TECPR2: variants seen among roughly 807,000 people sequenced by gnomAD.
TECPR2 encodes tectonin beta-propeller repeat-containing protein 2.
TECPR2 carries 65 observed loss-of-function variants against 138.1 expected under a neutral mutation model. That is an observed-to-expected ratio of 0.47 (90% CI 0.39 to 0.58). TECPR2 has a LOEUF of 0.58. Ranked by LOEUF, TECPR2 falls within the 20% of genes least tolerant of loss-of-function variation. TECPR2 has a pLI of 0.00. For missense variants in TECPR2, 1,553 were observed against 1,824.5 expected, an observed-to-expected ratio of 0.85 and a Z score of 2.71; for synonymous variants, 746 against 749.8, an observed-to-expected ratio of 0.99 and a Z score of 0.08.
Position 102,476,071 on chromosome 14 carries a change from G to A in TECPR2, c.3789+10782G>A, listed in dbSNP as rs180691616. Among the ~76,000 whole-genome samples, 237 of 152,082 alleles carry A rather than the reference G, an allele frequency of 1.6e-3. 2 individuals carry two copies. Among genetic ancestry groups the A allele is most frequent in the African/African-American group, 5.5e-3 (228 of 41,498 alleles). On this transcript the variant is annotated intron_variant, in intron 17 of 19. Coordinates refer to ENST00000359520, the MANE Select transcript of TECPR2 (RefSeq NM_014844.5). ...AAAATACAAAAATTAGCCAAGCGTG[G>A]TGGCACACACCTGTAATCGTAGCTA...
chr14:102,389,477 G>A (rs1888107593), intron 2 of TECPR2, among the ~76,000 whole-genome samples: 1 of 152,204 alleles, frequency 6.6e-6, no homozygotes, highest in Non-Finnish European at 1.5e-5. Flanking sequence ...TTAAGGGAGT[G>A]TGGTATTAGC....
rs2139755012 is a variant in TECPR2, at chr14:102,452,390, G to T, written c.3407-4G>T. 1 of 1,602,966 alleles carries T rather than the reference G, an allele frequency of 6.2e-7. No individual in the cohort carries two copies. The highest frequency in any genetic ancestry group is 1.7e-5 in the Admixed American group (1 of 59,734). On this transcript the variant is annotated splice_polypyrimidine_tract_variant and splice_region_variant and intron_variant, in intron 15 of 19. Coordinates refer to ENST00000359520, the MANE Select transcript of TECPR2 (RefSeq NM_014844.5). ...TCGATGACAAACATGACCCCTTTCT[G>T]CAGGAAGCTTCCTGTGGCTGTGCCA...
At chr14:102,392,830 C>T (rs754786853) in intron 2 of TECPR2, among the ~76,000 whole-genome samples, 2 of 152,168 alleles carry the variant, frequency 1.3e-5, no homozygotes, top group South Asian at 4.1e-4. Flanking sequence ...TCAGATTAAC[C>T]GTCTGCATAG....
chr14:102,495,677 T>G (rs1891260760), intron 17 of TECPR2, among the ~76,000 whole-genome samples: 1 of 152,242 alleles, frequency 6.6e-6, no homozygotes, highest in Non-Finnish European at 1.5e-5. Flanking sequence ...GGTGGTGATG[T>G]GCCGACAAGA....
chr14:102,376,034 G>T (rs1235809408), intron 1 of TECPR2, among the ~76,000 whole-genome samples: 1 of 152,212 alleles, frequency 6.6e-6, no homozygotes, highest in East Asian at 1.9e-4. Flanking sequence ...GTGGAACAGA[G>T]TAAGGTGCTG....
Position 102,498,562 on chromosome 14 carries a change from C to G in TECPR2, c.*305C>G. 1 of 471,810 alleles carries G rather than the reference C, an allele frequency of 2.1e-6. No homozygotes were observed. Among genetic ancestry groups the G allele is most frequent in the South Asian group, 2.2e-5 (1 of 46,312 alleles). The allele number at this position is 471,810 out of a possible 1,614,324, so 29.2% of individuals were successfully genotyped here. On this transcript the variant is annotated 3_prime_UTR_variant, in exon 20 of 20. Transcript: ENST00000359520. ...TCCTGGTCTCATCCACAGATAGCTC[C>G]AGCTTTTGTTGGTGGGAGTGGTCTC...
chr14:102,448,666 G>C (rs1890053613), intron 13 of TECPR2, among the ~76,000 whole-genome samples: 1 of 152,170 alleles, frequency 6.6e-6, no homozygotes, highest in Non-Finnish European at 1.5e-5. Flanking sequence ...AGGAGTTCAA[G>C]ACCAGCCTGG....
intron 16 of TECPR2, among the ~76,000 whole-genome samples, chr14:102,459,586 ATGGTGAAACCCCGTC>A (rs1046124844): frequency 2.0e-5 from 3 of 152,166 alleles, no homozygotes. Context: ...CCTGGCCAAC[ATGGTGAAACCCCGTC>A]TCTACTAAAA....
At chr14:102,402,823 T>C (rs1023133626) in intron 2 of TECPR2, among the ~76,000 whole-genome samples, 7 of 152,238 alleles carry the variant, frequency 4.6e-5, no homozygotes, top group Admixed American at 3.3e-4. Context: ...ACACAAAACC[T>C]ACTGAGACTA....
chr14:102,386,602 TG>T (rs1228562674), intron 2 of TECPR2, among the ~76,000 whole-genome samples: 1 of 152,158 alleles, frequency 6.6e-6, no homozygotes, highest in African/African-American at 2.4e-5. Flanking sequence ...AATTTTCACA[TG>T]ATTACTTAAC....
intron 17 of TECPR2, among the ~76,000 whole-genome samples, chr14:102,475,908 A>C (rs1890747408): frequency 6.6e-6 from 1 of 152,156 alleles, no homozygotes; most frequent in Non-Finnish European, 1.5e-5. Flanking sequence ...GTAGAAAATG[A>C]GAGATAGAAA....
chr14:102,401,456 A>G (rs1436283235), intron 2 of TECPR2, among the ~76,000 whole-genome samples: 1 of 149,356 alleles, frequency 6.7e-6, no homozygotes. Context: ...AAAAAAAAAA[A>G]CAAAAAACAA....
intron 2 of TECPR2, among the ~76,000 whole-genome samples, chr14:102,394,688 A>ATTTC (rs1262821877): frequency 1.3e-5 from 2 of 152,196 alleles, no homozygotes. Context: ...ACCTTCCCTT[A>ATTTC]TAGAAAGCTG....
At chr14:102,471,502 A>C (rs1890651070) in intron 17 of TECPR2, among the ~76,000 whole-genome samples, 2 of 151,930 alleles carry the variant, frequency 1.3e-5, no homozygotes, top group Admixed American at 1.3e-4. Flanking sequence ...CTAGGAGTTC[A>C]AGACCAGCCT....
At chr14:102,474,579 G>A (rs954419112) in intron 17 of TECPR2, among the ~76,000 whole-genome samples, 6 of 152,166 alleles carry the variant, frequency 3.9e-5, no homozygotes, top group African/African-American at 7.2e-5. Context: ...AGCCGAGATC[G>A]CGCCATTGCA....
chr14:102,403,709 T>C (rs1888562743), intron 2 of TECPR2, among the ~76,000 whole-genome samples: 1 of 152,112 alleles, frequency 6.6e-6, no homozygotes, highest in Non-Finnish European at 1.5e-5. Flanking sequence ...CAAAAATCAG[T>C]TGCATTTCTA....
intron 5 of TECPR2, among the ~76,000 whole-genome samples, chr14:102,424,332 T>C (rs1004948572): frequency 1.3e-5 from 2 of 152,002 alleles, no homozygotes; most frequent in African/African-American, 4.8e-5. Context: ...ACTAAAATGG[T>C]TTGTTGTTGT....
intron 5 of TECPR2, among the ~76,000 whole-genome samples, chr14:102,423,454 GT>G (rs928595590): frequency 2.6e-5 from 4 of 151,270 alleles, no homozygotes; most frequent in Admixed American, 6.6e-5. Flanking sequence ...AAAAAAAGAG[GT>G]TTTTTTTGTG....
rs529541436 is a variant in TECPR2, at chr14:102,466,547, T to A, written c.3789+1258T>A. Among the ~76,000 whole-genome samples, 8 of 152,318 alleles carry A rather than the reference T, an allele frequency of 5.3e-5. No homozygotes were observed. The South Asian group carries it at 1.7e-3, about 32-fold the overall frequency. On this transcript the variant is annotated intron_variant, in intron 17 of 19. Coordinates refer to ENST00000359520, the MANE Select transcript of TECPR2 (RefSeq NM_014844.5). The stretch of plus-strand genomic sequence containing the variant: ...TGAAAAGCAAGCCGCCTGTCGTTAG[T>A]TTCATTATTGTCCTTAAATTCTCTG...
Sources: gnomAD v4.1 joint callset for allele counts (sites outside exome capture counted in the v4.1 genomes callset) on GRCh38, gnomAD v4.1.1 for gene constraint, MANE v1.5 for transcripts, NCBI Gene and HGNC (gene_info 2026-07-23, HGNC 2026-07-21) for gene names.